The following PRAMEF27 variants were observed in gnomAD, a reference collection of about 807,000 sequenced individuals.
The protein encoded by PRAMEF27 is PRAME family member 27.
In PRAMEF27, 5 loss-of-function variants were observed where a neutral mutation model predicts 21.0. The ratio of observed to expected loss-of-function variants is 0.24; its 90% CI spans 0.12 to 0.50. The LOEUF (loss-of-function observed/expected upper bound fraction) is 0.50, where lower values mean the gene tolerates loss of function less well. PRAMEF27 is among the 20% of genes least tolerant of loss of function. PRAMEF27 has a pLI of 0.98. For synonymous variants in PRAMEF27, 61 were observed against 211.2 expected (o/e 0.29, Z 6.17); for missense variants, 138 against 541.4 (o/e 0.25, Z 7.39).
rs1300522502 is a variant in PRAMEF27, at chr1:13,052,031, T to C, written c.875+87A>G. 149 of 1,511,984 alleles carry C rather than the reference T, an allele frequency of 9.9e-5. 5 individuals carry two copies. Among genetic ancestry groups the C allele is most frequent in the Non-Finnish European group, 1.2e-4 (134 of 1,138,954 alleles). The allele number at this position is 1,511,984 out of a possible 1,614,324, so 93.7% of individuals were successfully genotyped here. A position where few individuals can be genotyped will look rare whatever the true frequency, so the allele number is the denominator to read the frequency against. On this transcript the variant is annotated intron_variant, in intron 3 of 3. Coordinates refer to ENST00000436041, the MANE Select transcript of PRAMEF27 (RefSeq NM_001300891.2). Reference sequence around the variant, plus strand: ...TGTCCCCTTCACTGTTACATCCTCATAGGCTGGCTCACAGTAGATGCCCAC... The same window carrying C: ...TGTCCCCTTCACTGTTACATCCTCACAGGCTGGCTCACAGTAGATGCCCAC...
Position 13,052,006 on chromosome 1 carries a change from T to G in PRAMEF27, c.875+112A>C. 2.7e-6 allele frequency: 4 copies of G among 1,464,080 alleles called. 1 individual carries two copies. The highest frequency in any genetic ancestry group is 4.9e-4 in the Middle Eastern group (2 of 4,086). 90.7% of individuals were successfully genotyped at this position (1,464,080 alleles called of 1,614,324 possible). On this transcript the variant is annotated intron_variant, in intron 3 of 3. Coordinates refer to ENST00000436041, the MANE Select transcript of PRAMEF27 (RefSeq NM_001300891.2). ...ACAGGACAATGTATGGACATTCTAG[T>G]GTCCCCTTCACTGTTACATCCTCAT...
rs1642224267 is a variant in PRAMEF27 at position 13,053,388 on chromosome 1, A to G, written c.272T>C (p.Leu91Pro). Reference sequence around the variant, plus strand: ...TCACCTGGGACAAACCCCTTGGGTAAGCAGTGCATCAAGCCCATCGAGCAC... The same window carrying G: ...TCACCTGGGACAAACCCCTTGGGTAGGCAGTGCATCAAGCCCATCGAGCAC... ...QAVLDGLDAL[L>P]TQGVCPRRWK... Residue 91 changes from leucine (L) to proline (P), a missense_variant, in exon 2 of 4, where the codon CTT becomes CCT. Transcript: ENST00000436041. 6 of 1,486,094 alleles carry G rather than the reference A, an allele frequency of 4.0e-6. 1 individual carries two copies. The highest frequency in any genetic ancestry group is 5.3e-6 in the Non-Finnish European group (6 of 1,124,274). 92.1% of individuals were successfully genotyped at this position (1,486,094 alleles called of 1,614,324 possible).
In PRAMEF27 at chr1:13,053,781, C is replaced by T. The variant is rs1642229639; in HGVS notation, c.-16-106G>A. 5.8e-6 allele frequency: 8 copies of T among 1,388,486 alleles called. No homozygotes were observed. The East Asian group carries it at 7.8e-5, about 14-fold the overall frequency. 86.0% of individuals were successfully genotyped at this position (1,388,486 alleles called of 1,614,324 possible). On this transcript the variant is annotated intron_variant, in intron 1 of 3. Transcript: ENST00000436041. ...CACTGCTCTGGCAATGGTGAAACAGCCCTCAGTTTACTCCAATTCTGCCCT... is the reference window on the plus strand; with the variant it reads ...CACTGCTCTGGCAATGGTGAAACAGTCCTCAGTTTACTCCAATTCTGCCCT...
rs1262785306 is a variant in PRAMEF27 at position 13,053,408 on chromosome 1, G to C, written c.252C>G (p.Leu84=). 9.1e-5 allele frequency: 137 copies of C among 1,497,698 alleles called. 25 individuals carry two copies. Among genetic ancestry groups the C allele is most frequent in the Middle Eastern group, 3.9e-4 (2 of 5,076 alleles). The allele number at this position is 1,497,698 out of a possible 1,614,324, so 92.8% of individuals were successfully genotyped here. The change falls in exon 2 of 4, where the codon CTC becomes CTG. Residue 84 remains leucine, a synonymous_variant. Coordinates refer to ENST00000436041, the MANE Select transcript of PRAMEF27 (RefSeq NM_001300891.2). ...GGGTAAGCAGTGCATCAAGCCCATC[G>C]AGCACAGCTTGGAAGGCCTCCAGAC... The part of the protein sequence containing the change: ...MPCLEAFQAV[L]DGLDALLTQG...
intron 1 of PRAMEF27, chr1:13,055,386 G>T (rs1279898437): frequency 1.4e-5 from 1 of 69,398 alleles, no homozygotes; most frequent in Non-Finnish European, 2.6e-5. Flanking sequence ...TGATCACCTG[G>T]GTCATATAAT....
Position 13,049,800 on chromosome 1 carries a change from G to T in PRAMEF27, c.*8C>A. On this transcript the variant is annotated 3_prime_UTR_variant, in exon 4 of 4. Transcript: ENST00000436041. ...GCGTTTGACATACCCATCCAAATAG[G>T]CAGGCATTCAACAGCAGTATTGATC... 1 of 1,384,316 alleles carries T rather than the reference G, an allele frequency of 7.2e-7. No homozygotes were observed. Among genetic ancestry groups the T allele is most frequent in the Non-Finnish European group, 9.4e-7 (1 of 1,063,340 alleles). 85.8% of individuals were successfully genotyped at this position (1,384,316 alleles called of 1,614,324 possible). A position where few individuals can be genotyped will look rare whatever the true frequency, so the allele number is the denominator to read the frequency against.
intron 1 of PRAMEF27, chr1:13,055,660 CT>C: frequency 6.6e-6 from 1 of 150,968 alleles, no homozygotes; most frequent in Admixed American, 6.6e-5. Flanking sequence ...CAGAGTGTCT[CT>C]CTTTTGCCCA....
Position 13,053,492 on chromosome 1 carries a change from C to G in PRAMEF27, c.168G>C (p.Leu56=). The G allele has an allele frequency of 4.7e-6, 7 of 1,479,214 alleles. 2 individuals are homozygous for G. The Admixed American group carries it at 5.6e-5, about 12-fold the overall frequency. The allele number at this position is 1,479,214 out of a possible 1,614,324, so 91.6% of individuals were successfully genotyped here. A position where few individuals can be genotyped will look rare whatever the true frequency, so the allele number is the denominator to read the frequency against. The change falls in exon 2 of 4, where the codon CTG becomes CTC. Residue 56 remains leucine (L), a synonymous_variant. Coordinates refer to ENST00000436041, the MANE Select transcript of PRAMEF27 (RefSeq NM_001300891.2). ...FSRRCCEALK[L]MVQAWPFRRL... Reference sequence around the variant, plus strand: ...GGCGGAAGGGCCAGGCCTGCACCATCAGCTTCAGGGCCTCACAGCATCTCC... The same window carrying G: ...GGCGGAAGGGCCAGGCCTGCACCATGAGCTTCAGGGCCTCACAGCATCTCC...
intron 2 of PRAMEF27, 163 bp from the exon 3 acceptor site, chr1:13,052,862 G>GT (rs1237886715): frequency 0.11 from 66,511 of 591,268 alleles, 493 homozygotes; most frequent in South Asian, 0.17. Flanking sequence ...ACATTTTTTT[G>GT]TTTTTTTTTT....
intron 1 of PRAMEF27, chr1:13,055,444 G>C (rs1642236558): frequency 1.2e-5 from 1 of 80,266 alleles, no homozygotes; most frequent in Non-Finnish European, 2.2e-5. Context: ...GCCCAGGCTG[G>C]AGTGCAGTGG....
At position 13,049,809 on chromosome 1, in the gene PRAMEF27, C is replaced by A; in HGVS notation, c.1436G>T (p.Ter479LeuextTer24). The stretch of plus-strand genomic sequence containing the variant: ...ATACCCATCCAAATAGGCAGGCATT[C>A]AACAGCAGTATTGATCTGCCTCCAG... ...YDLEADQYCC[*>L] The change falls in exon 4 of 4, where the codon TGA (stop) becomes TTA (leucine). Residue 479 changes from the stop codon to leucine, a stop_lost. Transcript: ENST00000436041. The A allele has an allele frequency of 1.4e-6, 2 of 1,395,508 alleles. 1 individual carries two copies. The highest frequency in any genetic ancestry group is 1.9e-6 in the Non-Finnish European group (2 of 1,070,784). The allele number at this position is 1,395,508 out of a possible 1,614,324, so 86.4% of individuals were successfully genotyped here.
chr1:13,055,819 A>G (rs1448365767), intron 1 of PRAMEF27: 9 of 138,682 alleles, frequency 6.5e-5, no homozygotes, highest in African/African-American at 2.2e-4. Flanking sequence ...TGGGAGGCCA[A>G]GGCAGGTGGA....
chr1:13,049,824 T>C lies in PRAMEF27; in HGVS notation c.1421A>G (p.Asp474Gly). 1.4e-6 allele frequency: 2 copies of C among 1,403,252 alleles called. No homozygotes were observed. The highest frequency in any genetic ancestry group is 1.9e-6 in the Non-Finnish European group (2 of 1,074,586). The allele number at this position is 1,403,252 out of a possible 1,614,324, so 86.9% of individuals were successfully genotyped here. ...GGCAGGCATTCAACAGCAGTATTGA[T>C]CTGCCTCCAGGTCATAAAATGACCT... ...GNRSFYDLEA[D>G]QYCC is the part of the protein sequence containing the mutation. Residue 474 changes from aspartate to glycine, a missense_variant, in exon 4 of 4, where the codon GAT becomes GGT. Physicochemically the swap from Asp to Gly is moderately conservative, Grantham distance 94. Transcript: ENST00000436041.
Position 13,049,911 on chromosome 1 carries a change from C to T in PRAMEF27, c.1334G>A (p.Arg445Lys). ...GATCCTCTTGGGGTGCCTTAAGTCC[C>T]TCACTCTGTTCATCAGCTCAGCCCT... is the stretch of plus-strand genomic sequence containing the variant. ...QIRAELMNRV[R>K]DLRHPKRIFF... is the part of the protein sequence containing the mutation. The change falls in exon 4 of 4, where the codon AGG becomes AAG. Residue 445 changes from arginine (R) to lysine (K), a missense_variant. Physicochemically the swap from Arg to Lys is conservative, Grantham distance 26. Coordinates refer to ENST00000436041, the MANE Select transcript of PRAMEF27 (RefSeq NM_001300891.2). The T allele has an allele frequency of 1.4e-6, 2 of 1,419,516 alleles. No homozygotes were observed. Among genetic ancestry groups the T allele is most frequent in the Admixed American group, 1.9e-5 (1 of 51,784 alleles). 87.9% of individuals were successfully genotyped at this position (1,419,516 alleles called of 1,614,324 possible).
In PRAMEF27 at chr1:13,050,479, G is replaced by T. The variant is rs1201534238; in HGVS notation, c.876-110C>A. Reference sequence around the variant, plus strand: ...GGAGACCATTTTGCCCAAGTCCAGGGTCATTCTGATGGCCTGATGGTCAAC... The same window carrying T: ...GGAGACCATTTTGCCCAAGTCCAGGTTCATTCTGATGGCCTGATGGTCAAC... On this transcript the variant is annotated intron_variant, in intron 3 of 3. Coordinates refer to ENST00000436041, the MANE Select transcript of PRAMEF27 (RefSeq NM_001300891.2). The T allele has an allele frequency of 1.1e-4, 142 of 1,261,440 alleles. 4 individuals are homozygous for T. The highest frequency in any genetic ancestry group is 1.5e-4 in the Non-Finnish European group (135 of 927,104). The allele number at this position is 1,261,440 out of a possible 1,614,324, so 78.1% of individuals were successfully genotyped here.
chr1:13,053,520 C>T lies in PRAMEF27; in HGVS notation c.140G>A (p.Ser47Asn). Residue 47 changes from serine (S) to asparagine (N), a missense_variant, in exon 2 of 4, where the codon AGC (serine) becomes AAC (asparagine). By Grantham distance (46) the Ser-to-Asn change is conservative. Coordinates refer to ENST00000436041, the MANE Select transcript of PRAMEF27 (RefSeq NM_001300891.2). ...LFPPLFMEAFSRRCCEALKLM... is the reference protein window; with the variant it reads ...LFPPLFMEAFNRRCCEALKLM... ...CTTCAGGGCCTCACAGCATCTCCTG[C>T]TGAAGGCCTCCATGAACAGTGGGGG... 1 of 1,485,668 alleles carries T rather than the reference C, an allele frequency of 6.7e-7. No individual in the cohort carries two copies. The highest frequency in any genetic ancestry group is 1.2e-5 in the South Asian group (1 of 80,614). 92.0% of individuals were successfully genotyped at this position (1,485,668 alleles called of 1,614,324 possible). A position where few individuals can be genotyped will look rare whatever the true frequency, so the allele number is the denominator to read the frequency against.
chr1:13,053,579 C>T lies in PRAMEF27; in HGVS notation c.81G>A (p.Met27Ile). 2 of 1,586,190 alleles carry T rather than the reference C, an allele frequency of 1.3e-6. No individual in the cohort carries two copies. The highest frequency in any genetic ancestry group is 1.7e-6 in the Non-Finnish European group (2 of 1,177,046). The change falls in exon 2 of 4, where the codon ATG (methionine) becomes ATA (isoleucine). Residue 27 changes from methionine (M) to isoleucine (I), a missense_variant. Physicochemically the swap from Met to Ile is conservative, Grantham distance 10. Transcript: ENST00000436041. ...RSLLRDQALA[M>I]STLEELPTEL... ...CTGTGGGCAGCTCCTCCAGGGTGGA[C>T]ATGGCCAAGGCTTGGTCCCTCAGCA...
intron 1 of PRAMEF27, 89 bp downstream of exon 1, chr1:13,056,325 T>C (rs1439890700): frequency 2.5e-5 from 3 of 120,894 alleles, no homozygotes; most frequent in Non-Finnish European, 4.7e-5. Context: ...AGGATATAGC[T>C]CTGTGCCATC....
rs1642184180 is a variant in PRAMEF27 at position 13,049,915 on chromosome 1, C to T, written c.1330G>A (p.Val444Met). 1.4e-6 allele frequency: 2 copies of T among 1,419,632 alleles called. No individual in the cohort carries two copies. Among genetic ancestry groups the T allele is most frequent in the Admixed American group, 1.9e-5 (1 of 51,812 alleles). 87.9% of individuals were successfully genotyped at this position (1,419,632 alleles called of 1,614,324 possible). A position where few individuals can be genotyped will look rare whatever the true frequency, so the allele number is the denominator to read the frequency against. ...CTCTTGGGGTGCCTTAAGTCCCTCA[C>T]TCTGTTCATCAGCTCAGCCCTAATT... ...AQIRAELMNR[V>M]RDLRHPKRIF... is the part of the protein sequence containing the mutation. The change falls in exon 4 of 4, where the codon GTG becomes ATG. Residue 444 changes from valine to methionine, a missense_variant. Physicochemically the swap from Val to Met is conservative, Grantham distance 21. Coordinates refer to ENST00000436041, the MANE Select transcript of PRAMEF27 (RefSeq NM_001300891.2).
Sources: gnomAD v4.1 joint callset for allele counts on GRCh38, gnomAD v4.1.1 for gene constraint, MANE v1.5 for transcripts, NCBI Gene and HGNC (gene_info 2026-07-23, HGNC 2026-07-21) for gene names.